Variants in MGAT5 observed in about 807,000 individuals in gnomAD.
MGAT5 encodes alpha-1,6-mannosylglycoprotein 6-beta-N-acetylglucosaminyltransferase.
In MGAT5, 30 loss-of-function variants were observed where a neutral mutation model predicts 94.3. That is an observed-to-expected ratio of 0.32 (90% CI 0.24 to 0.43). The LOEUF (loss-of-function observed/expected upper bound fraction) is 0.43. Ranked by LOEUF, MGAT5 falls within the 20% of genes least tolerant of loss-of-function variation. The probability of loss-of-function intolerance (pLI) is 1.00; values close to 1 mark genes in which losing one functional copy is unlikely to be tolerated. For missense variants in MGAT5, 691 were observed against 905.5 expected, an observed-to-expected ratio of 0.76 and a Z score of 3.04; for synonymous variants, 310 against 322.9, an observed-to-expected ratio of 0.96 and a Z score of 0.43.
At chr2:134,409,501 C>T (rs1046752771) in intron 11 of MGAT5, among the ~76,000 whole-genome samples, 1 of 152,216 alleles carries the variant, frequency 6.6e-6, no homozygotes, top group African/African-American at 2.4e-5. Context: ...TTGTTCTGGG[C>T]ACTTTGTGCC....
intron 1 of MGAT5, among the ~76,000 whole-genome samples, chr2:134,165,494 G>A (rs906030066): frequency 6.6e-6 from 1 of 152,122 alleles, no homozygotes; most frequent in African/African-American, 2.4e-5. Context: ...AATTATCCAG[G>A]GCCGGGCGCG....
intron 1 of MGAT5, among the ~76,000 whole-genome samples, chr2:134,159,970 G>A (rs1314160050): frequency 1.3e-5 from 2 of 152,210 alleles, no homozygotes; most frequent in East Asian, 3.9e-4. Flanking sequence ...TGAGCTCTCT[G>A]GAGAAGGGTG....
intron 1 of MGAT5, among the ~76,000 whole-genome samples, chr2:134,237,152 C>CGCGCGT (rs1027807673): frequency 1.8e-4 from 9 of 51,356 alleles, no homozygotes; most frequent in Middle Eastern, 0.011. Context: ...TGTGTGTGCG[C>CGCGCGT]GTGTGTGTGA....
chr2:134,397,613 A>C (rs1574011570), intron 10 of MGAT5, among the ~76,000 whole-genome samples: 1 of 152,314 alleles, frequency 6.6e-6, no homozygotes, highest in East Asian at 1.9e-4. Context: ...CTATTTAGGA[A>C]GGAGGACCCC....
intron 12 of MGAT5, among the ~76,000 whole-genome samples, chr2:134,415,882 C>G (rs113792837): frequency 5.3e-5 from 8 of 152,280 alleles, no homozygotes; most frequent in African/African-American, 1.9e-4. Context: ...CTGTGCTTCT[C>G]CATTGTGTAT....
Position 134,172,378 on chromosome 2 carries a change from C to CT in MGAT5, c.-143+52099dup, listed in dbSNP as rs1553487709. ...GAGGAAGGAATTTCCTAAGTACTCC[C>CT]TTTTTTTTTTTTAATTAATTATTTT... On this transcript the variant is annotated intron_variant, in intron 1 of 16. Transcript: ENST00000409645. Among the ~76,000 whole-genome samples, 3,489 of 141,798 alleles carry CT rather than the reference C, an allele frequency of 0.025. 288 individuals are homozygous for CT. The East Asian group carries it at 0.28, about 11-fold the overall frequency. 93.0% of individuals were successfully genotyped at this position (141,798 alleles called of 152,430 possible). A position where few individuals can be genotyped will look rare whatever the true frequency, so the allele number is the denominator to read the frequency against.
chr2:134,182,349 C>A (rs1277021038), intron 1 of MGAT5, among the ~76,000 whole-genome samples: 1 of 152,014 alleles, frequency 6.6e-6, no homozygotes, highest in Non-Finnish European at 1.5e-5. Context: ...GAAAGCAGGC[C>A]CAATAAAACA....
chr2:134,341,808 T>A, intron 7 of MGAT5, 49 bp downstream of exon 7: 1 of 1,518,140 alleles, frequency 6.6e-7, no homozygotes, highest in East Asian at 2.3e-5. Context: ...AAAAAGAAAT[T>A]GTAAACTCTT....
chr2:134,137,365 C>A (rs998090257), intron 1 of MGAT5, among the ~76,000 whole-genome samples: 1 of 152,164 alleles, frequency 6.6e-6, no homozygotes, highest in Non-Finnish European at 1.5e-5. Context: ...TCAGTGAGTC[C>A]AGCCCAGAGG....
At chr2:134,282,945 G>C (rs1403032569) in intron 2 of MGAT5, among the ~76,000 whole-genome samples, 1 of 151,606 alleles carries the variant, frequency 6.6e-6, no homozygotes, top group Non-Finnish European at 1.5e-5. Context: ...CCACTGTTGG[G>C]CCCTTTTAAT....
upstream of MGAT5, among the ~76,000 whole-genome samples, chr2:134,249,512 G>GT (rs1388517904): frequency 2.6e-5 from 4 of 151,958 alleles, no homozygotes; most frequent in Non-Finnish European, 4.4e-5. Context: ...TGCAATATGT[G>GT]TTTTTTTGTT....
intron 2 of MGAT5, among the ~76,000 whole-genome samples, chr2:134,310,476 A>G (rs1324158883): frequency 6.6e-6 from 1 of 152,222 alleles, no homozygotes; most frequent in East Asian, 1.9e-4. Context: ...AAATTATTTT[A>G]TGCAATGATG....
rs1686164552 is a variant in MGAT5, at chr2:134,452,616, C to T, written c.*3769C>T. ...GACCACGGTGGCCACCCCATTTCTC[C>T]AAGGTGGTTTACCTAGCTTGTGTAT... On this transcript the variant is annotated 3_prime_UTR_variant, in exon 16 of 16. Transcript: ENST00000281923. The T allele has an allele frequency of 1.3e-5, 2 of 152,160 alleles. No individual in the cohort carries two copies. The allele number at this position is 152,160 out of a possible 1,614,324, so 9.4% of individuals were successfully genotyped here.
At chr2:134,409,701 A>ACC (rs745310542) in intron 11 of MGAT5, among the ~76,000 whole-genome samples, 18 of 151,936 alleles carry the variant, frequency 1.2e-4, no homozygotes, top group African/African-American at 1.9e-4. Context: ...ATGGATAAGA[A>ACC]CCCCCTTTAT....
At chr2:134,364,523 C>G (rs889804417) in intron 10 of MGAT5, among the ~76,000 whole-genome samples, 1 of 151,740 alleles carries the variant, frequency 6.6e-6, no homozygotes, top group African/African-American at 2.4e-5. Flanking sequence ...AATCCCAAAA[C>G]CATTAACCAT....
intron 2 of MGAT5, among the ~76,000 whole-genome samples, chr2:134,273,221 G>A (rs145134386): frequency 1.3e-5 from 2 of 152,260 alleles, no homozygotes; most frequent in African/African-American, 4.8e-5. Context: ...GAAGGACAAG[G>A]ACTTAAGTGA....
chr2:134,351,550 G>T (rs1679387113), intron 9 of MGAT5, among the ~76,000 whole-genome samples: 1 of 152,050 alleles, frequency 6.6e-6, no homozygotes, highest in Non-Finnish European at 1.5e-5. Flanking sequence ...AACCTATTTT[G>T]TTCTCCATGG....
Position 134,363,036 on chromosome 2 carries a change from C to G in MGAT5, c.1380+628C>G, listed in dbSNP as rs1305632638. 2.0e-5 allele frequency among the ~76,000 whole-genome samples: 3 copies of G among 152,350 alleles called. No individual in the cohort carries two copies. In the East Asian group the frequency reaches 5.8e-4, roughly 29 times the overall value. ...CTGAGTACATTTGGGGAAAGTATAA[C>G]AGGAGAGGAACCAGATTGGATGTGA... On this transcript the variant is annotated intron_variant, in intron 10 of 15. Transcript: ENST00000281923.
At chr2:134,270,800 A>G (rs1683982265) in intron 2 of MGAT5, among the ~76,000 whole-genome samples, 1 of 152,194 alleles carries the variant, frequency 6.6e-6, no homozygotes, top group Non-Finnish European at 1.5e-5. Context: ...AGCTCCTGGA[A>G]TTCACTTGTA....
Sources: allele counts gnomAD v4.1 joint callset (sites outside exome capture counted in the v4.1 genomes callset), GRCh38; gene constraint gnomAD v4.1.1; transcripts MANE v1.5; gene names NCBI Gene and HGNC (gene_info 2026-07-23, HGNC 2026-07-21).